Variants in ARK2N observed in about 807,000 individuals in gnomAD.
ARK2N encodes protein ARK2N.
chr18:46,209,290 C>CTTTTT, the ARK2N span, among the ~76,000 whole-genome samples: 2 of 138,644 alleles, frequency 1.4e-5, no homozygotes, highest in Non-Finnish European at 3.1e-5. Flanking sequence ...TACTTCTCCA[C>CTTTTT]TTTTTTTTTT....
At chr18:46,177,595 AT>A in the ARK2N span, among the ~76,000 whole-genome samples, 5 of 151,812 alleles carry the variant, frequency 3.3e-5, no homozygotes, top group Admixed American at 3.3e-4. Flanking sequence ...CGCCTGACTA[AT>A]TTTTTATTTT....
chr18:46,235,824 G>GAT, the ARK2N span, among the ~76,000 whole-genome samples: 1 of 152,192 alleles, frequency 6.6e-6, no homozygotes, highest in Non-Finnish European at 1.5e-5. Flanking sequence ...TTTGTCATGG[G>GAT]ATAAACAGTA....
At chr18:46,252,175 A>G in the ARK2N span, among the ~76,000 whole-genome samples, 1 of 151,204 alleles carries the variant, frequency 6.6e-6, no homozygotes, top group Non-Finnish European at 1.5e-5. Context: ...CCTGGGTAAC[A>G]GAGCGAGACT....
chr18:46,229,140 T>C, the ARK2N span, among the ~76,000 whole-genome samples: 1 of 152,066 alleles, frequency 6.6e-6, no homozygotes, highest in Non-Finnish European at 1.5e-5. Context: ...CAGAATCATA[T>C]ATATGAAAAA....
the ARK2N span, among the ~76,000 whole-genome samples, chr18:46,256,870 T>G: frequency 6.6e-6 from 1 of 152,238 alleles, no homozygotes; most frequent in Non-Finnish European, 1.5e-5. Context: ...CCTGCTAATC[T>G]TTCAAACATT....
chr18:46,185,741 C>T, the ARK2N span, among the ~76,000 whole-genome samples: 1 of 152,178 alleles, frequency 6.6e-6, no homozygotes, highest in Non-Finnish European at 1.5e-5. Flanking sequence ...AATCCCAGTA[C>T]TTTGTGAGGC....
At chr18:46,216,167 C>T in the ARK2N span, 1 of 1,613,980 alleles carries the variant, frequency 6.2e-7, no homozygotes, top group Non-Finnish European at 8.5e-7. The surrounding 1 kb of genome is among the most constrained non-coding windows in gnomAD (Gnocchi z 4.3). Flanking sequence ...TGCATGCTTT[C>T]CCCTTCCTCT....
At chr18:46,252,868 G>A in the ARK2N span, among the ~76,000 whole-genome samples, 1 of 152,154 alleles carries the variant, frequency 6.6e-6, no homozygotes, top group African/African-American at 2.4e-5. Context: ...ATTATTGAGA[G>A]TTCTGTGAAG....
chr18:46,242,853 T>C, the ARK2N span, among the ~76,000 whole-genome samples: 1,400 of 152,338 alleles, frequency 9.2e-3, 28 homozygotes, highest in African/African-American at 0.032. Flanking sequence ...CATTCTCTTG[T>C]TGGACATTTA....
chr18:46,259,873 T>G, the ARK2N span, among the ~76,000 whole-genome samples: 2 of 67,072 alleles, frequency 3.0e-5, no homozygotes, highest in African/African-American at 5.0e-5. Context: ...TGAGCTCAAG[T>G]GATCCTCCCG....
At chr18:46,251,321 A>G in the ARK2N span, among the ~76,000 whole-genome samples, 2 of 152,220 alleles carry the variant, frequency 1.3e-5, no homozygotes, top group Non-Finnish European at 2.9e-5. Flanking sequence ...GCAAGAATCT[A>G]GGTTTACGAA....
At chr18:46,230,116 G>A in the ARK2N span, among the ~76,000 whole-genome samples, 8 of 151,886 alleles carry the variant, frequency 5.3e-5, no homozygotes, top group South Asian at 1.7e-3. Flanking sequence ...GTAGGGATGG[G>A]GTTTCACCAT....
At chr18:46,204,319 T>C in the ARK2N span, among the ~76,000 whole-genome samples, 1 of 152,320 alleles carries the variant, frequency 6.6e-6, no homozygotes, top group African/African-American at 2.4e-5. Flanking sequence ...CAGTCCTAGA[T>C]TGCAAGGGAA....
At chr18:46,228,033 A>C in the ARK2N span, among the ~76,000 whole-genome samples, 1 of 152,224 alleles carries the variant, frequency 6.6e-6, no homozygotes, top group Non-Finnish European at 1.5e-5. Context: ...ATATGAGTTT[A>C]TTATAACTGA....
chr18:46,221,417 G>A, the ARK2N span, among the ~76,000 whole-genome samples: 2 of 150,948 alleles, frequency 1.3e-5, no homozygotes, highest in African/African-American at 2.4e-5. Context: ...AAAATTAGCC[G>A]GGTGTGGTGG....
chr18:46,191,163 C>T, the ARK2N span, among the ~76,000 whole-genome samples: 6 of 151,882 alleles, frequency 4.0e-5, no homozygotes, highest in African/African-American at 1.2e-4. Flanking sequence ...AACTCATTTC[C>T]TCAGTATTGA....
the ARK2N span, among the ~76,000 whole-genome samples, chr18:46,203,047 A>G: frequency 6.6e-6 from 1 of 152,200 alleles, no homozygotes; most frequent in East Asian, 1.9e-4. Flanking sequence ...TGGCAGGAGG[A>G]CAAATTGATG....
the ARK2N span, among the ~76,000 whole-genome samples, chr18:46,178,429 C>T: frequency 1.3e-5 from 2 of 152,348 alleles, no homozygotes; most frequent in African/African-American, 4.8e-5. Context: ...TCTCCTGCCT[C>T]AGCCTCCCGA....
At chr18:46,179,625 CTTTTTTTT>C in the ARK2N span, among the ~76,000 whole-genome samples, 1 of 136,848 alleles carries the variant, frequency 7.3e-6, no homozygotes, top group Non-Finnish European at 1.6e-5. Flanking sequence ...TTAAAGTTAT[CTTTTTTTT>C]TTTTTTTTTG....
Sources: gnomAD v4.1 joint callset for allele counts (sites outside exome capture counted in the v4.1 genomes callset) on GRCh38, gnomAD v4.1.1 for gene constraint, Gnocchi (gnomAD v3.1) non-coding constraint, MANE v1.5 for transcripts, NCBI Gene and HGNC (gene_info 2026-07-23, HGNC 2026-07-21) for gene names.